SPATA24: variants seen among roughly 807,000 people sequenced by gnomAD.
The protein encoded by SPATA24 is spermatogenesis-associated protein 24.
SPATA24 carries 21 observed loss-of-function variants against 28.9 expected under a neutral mutation model. The observed-to-expected ratio is 0.73, with a 90% CI of 0.52 to 1.05. SPATA24 has a LOEUF of 1.05. SPATA24 is among the 50% of genes least tolerant of loss of function. The probability of loss-of-function intolerance (pLI) is 0.00; values close to 1 mark genes in which losing one functional copy is unlikely to be tolerated. For synonymous variants in SPATA24, 76 were observed against 89.9 expected (o/e 0.85, Z 0.88); for missense variants, 215 against 242.9 (o/e 0.88, Z 0.76).
At chr5:139,392,738 C>G, downstream of SPATA24, 1 of 1,411,294 alleles carries the variant, frequency 7.1e-7, no homozygotes, top group Non-Finnish European at 9.2e-7. The surrounding 1 kb of genome is among the most constrained non-coding windows in gnomAD (Gnocchi z 5.8). Context: ...GAGCTGCGGG[C>G]GCCGCCTAGA....
chr5:139,396,553 G>T, downstream of SPATA24: 2 of 1,321,516 alleles, frequency 1.5e-6, no homozygotes, highest in Non-Finnish European at 1.9e-6. Context: ...CACTGGGAGT[G>T]GGGTGGAATA....
At chr5:139,399,300 G>A (rs1371662583) in intron 4 of SPATA24, among the ~76,000 whole-genome samples, 1 of 143,566 alleles carries the variant, frequency 7.0e-6, no homozygotes, top group African/African-American at 2.6e-5. Context: ...CTGGGCGGCA[G>A]AGCAAGACTC....
At chr5:139,394,818 G>A (rs1387399384), downstream of SPATA24, 3 of 1,530,102 alleles carry the variant, frequency 2.0e-6, no homozygotes, top group African/African-American at 2.9e-5. Flanking sequence ...GGCCTCGCGG[G>A]AAACCCGAGC....
rs377545500 is a variant in SPATA24, at chr5:139,402,813, C to T, written c.118-120G>A. The T allele has an allele frequency of 3.7e-4, 273 of 734,882 alleles. 3 individuals carry two copies. The highest frequency in any genetic ancestry group is 3.0e-3 in the South Asian group (193 of 63,674). 45.5% of individuals were successfully genotyped at this position (734,882 alleles called of 1,614,324 possible). A position where few individuals can be genotyped will look rare whatever the true frequency, so the allele number is the denominator to read the frequency against. ...CGTGGTACCTAGGATGAGACTGAGG[C>T]CTTGGGAAGGGAGAATTCAGTTCCA... On this transcript the variant is annotated intron_variant, in intron 1 of 5. Transcript: ENST00000450845.
At chr5:139,393,232 G>C, downstream of SPATA24, 9 of 1,549,130 alleles carry the variant, frequency 5.8e-6, 1 homozygote, top group South Asian at 7.1e-5. Flanking sequence ...GGCCATGCGC[G>C]GGCGTCCCGA....
In SPATA24 at chr5:139,396,778, G is replaced by A; in HGVS notation, c.*22C>T. ...GCAGAGGCTGGGGATTACAGCCAGA[G>A]AACAGGAAAGCGGCGGCCATTTTAT... On this transcript the variant is annotated 3_prime_UTR_variant, in exon 6 of 6. Coordinates refer to ENST00000450845, the MANE Select transcript of SPATA24 (RefSeq NM_194296.2). 1 of 1,551,700 alleles carries A rather than the reference G, an allele frequency of 6.4e-7. No individual in the cohort carries two copies.
downstream of SPATA24, chr5:139,394,677 G>T (rs1252440030): frequency 6.5e-7 from 1 of 1,534,574 alleles, no homozygotes; most frequent in East Asian, 2.5e-5. Flanking sequence ...CCGGCTCCGT[G>T]AACTGTTGTT....
downstream of SPATA24, among the ~76,000 whole-genome samples, chr5:139,395,894 C>T (rs1255251113): frequency 3.3e-5 from 5 of 152,204 alleles, no homozygotes; most frequent in Non-Finnish European, 4.4e-5. Context: ...AAGGCCCCTG[C>T]GGCCAGAACA....
chr5:139,400,891 C>T (rs868320781), intron 4 of SPATA24, among the ~76,000 whole-genome samples: 21 of 152,176 alleles, frequency 1.4e-4, no homozygotes, highest in African/African-American at 4.3e-4. Flanking sequence ...GGTGCGGTGG[C>T]TCACGCCTAT....
chr5:139,392,855 G>A, downstream of SPATA24: 1 of 1,541,292 alleles, frequency 6.5e-7, no homozygotes, highest in Non-Finnish European at 8.8e-7. The surrounding 1 kb of genome is among the most constrained non-coding windows in gnomAD (Gnocchi z 5.8). Flanking sequence ...TCGGGCCGGC[G>A]ACCCAAGGCC....
downstream of SPATA24, chr5:139,394,200 C>T (rs1177506238): frequency 6.5e-7 from 1 of 1,548,434 alleles, no homozygotes; most frequent in Non-Finnish European, 8.7e-7. Context: ...GAGACTTAGC[C>T]TTCTCCAGGA....
chr5:139,392,991 A>T (rs1010338530), downstream of SPATA24: 14 of 1,516,302 alleles, frequency 9.2e-6, no homozygotes, highest in Admixed American at 3.1e-4. This position sits in a 1 kb window ranked among gnomAD's most constrained non-coding sequence, Gnocchi z 5.8. Context: ...ACGGTTCAGG[A>T]GGCTCGTAGG....
downstream of SPATA24, chr5:139,396,092 G>C (rs1758699574): frequency 1.2e-6 from 1 of 842,898 alleles, no homozygotes; most frequent in African/African-American, 1.8e-5. Context: ...GCTGGCCCTG[G>C]AGCAAGAGCA....
At chr5:139,394,551 C>G (rs897382811), downstream of SPATA24, 5 of 1,498,872 alleles carry the variant, frequency 3.3e-6, no homozygotes, top group African/African-American at 7.2e-5. Context: ...CAGGACTTGG[C>G]CCACGGGGCC....
downstream of SPATA24, chr5:139,394,829 C>T (rs1758667427): frequency 1.3e-6 from 2 of 1,530,566 alleles, no homozygotes; most frequent in Non-Finnish European, 1.8e-6. Context: ...AAACCCGAGC[C>T]GGGCCCGTGC....
downstream of SPATA24, chr5:139,394,834 C>T (rs1758667603): frequency 6.5e-7 from 1 of 1,531,680 alleles, no homozygotes; most frequent in Admixed American, 2.0e-5. Context: ...CGAGCCGGGC[C>T]CGTGCCGCTG....
At chr5:139,400,608 CATACTTAAA>C (rs1427590881) in intron 4 of SPATA24, among the ~76,000 whole-genome samples, 4 of 151,916 alleles carry the variant, frequency 2.6e-5, no homozygotes, top group Non-Finnish European at 5.9e-5. Flanking sequence ...GCGCCCAGCC[CATACTTAAA>C]CTGGGTAAGG....
downstream of SPATA24, chr5:139,394,134 G>A: frequency 6.5e-7 from 1 of 1,547,202 alleles, no homozygotes; most frequent in South Asian, 1.2e-5. Flanking sequence ...CGCGGAGGCT[G>A]GGCCACGGCC....
chr5:139,402,007 C>T lies in SPATA24; in HGVS notation c.222G>A (p.Leu74=). The T allele has an allele frequency of 1.3e-6, 2 of 1,551,532 alleles. No homozygotes were observed. Among genetic ancestry groups the T allele is most frequent in the Non-Finnish European group, 1.7e-6 (2 of 1,146,968 alleles). The change falls in exon 3 of 6, where the codon CTG becomes CTA. Residue 74 remains leucine, a synonymous_variant. Coordinates refer to ENST00000450845, the MANE Select transcript of SPATA24 (RefSeq NM_194296.2). ...KAAHAKTKVL[L]AKEEEKLQFA... ...ACTGTAACTTCTCCTCTTCCTTGGC[C>T]AGGAGGACCTTGGTTTTGGCATGGG...
Sources: allele counts gnomAD v4.1 joint callset (sites outside exome capture counted in the v4.1 genomes callset), GRCh38; gene constraint gnomAD v4.1.1; non-coding constraint Gnocchi (gnomAD v3.1); transcripts MANE v1.5; gene names NCBI Gene and HGNC (gene_info 2026-07-23, HGNC 2026-07-21).